Variants in KIF21A observed in about 807,000 individuals in gnomAD.
The protein encoded by KIF21A is kinesin-like protein KIF21A.
KIF21A carries 114 observed loss-of-function variants against 202.9 expected under a neutral mutation model. The observed-to-expected ratio is 0.56, with a 90% CI of 0.48 to 0.66. The LOEUF is 0.66. KIF21A is among the 30% of genes least tolerant of loss of function. The pLI is 0.00. For missense variants in KIF21A, 1,677 were observed against 1,994.9 expected (o/e 0.84, Z 3.04); for synonymous variants, 667 against 670.8 (o/e 0.99, Z 0.09).
intron 1 of KIF21A, among the ~76,000 whole-genome samples, chr12:39,371,748 G>A (rs923891962): frequency 1.3e-5 from 2 of 151,926 alleles, no homozygotes; most frequent in African/African-American, 2.4e-5. Flanking sequence ...TGGCCAACAT[G>A]GTGAAACCTG....
intron 12 of KIF21A, among the ~76,000 whole-genome samples, chr12:39,345,993 T>C (rs916913295): frequency 6.6e-6 from 1 of 151,390 alleles, no homozygotes; most frequent in Non-Finnish European, 1.5e-5. Flanking sequence ...ATTTTAATGA[T>C]TTTTTTTTCC....
intron 1 of KIF21A, among the ~76,000 whole-genome samples, chr12:39,436,444 A>AT (rs1938741025): frequency 8.8e-6 from 1 of 113,568 alleles, no homozygotes; most frequent in Admixed American, 8.4e-5. Flanking sequence ...ATATATATAT[A>AT]TATATTTTTT....
At chr12:39,351,427 A>G (rs1948370974) in intron 11 of KIF21A, among the ~76,000 whole-genome samples, 1 of 152,134 alleles carries the variant, frequency 6.6e-6, no homozygotes. Flanking sequence ...GAAATGGGGA[A>G]AAAATGAAAA....
chr12:39,300,239 C>G (rs1390373563), intron 37 of KIF21A, among the ~76,000 whole-genome samples: 1 of 152,074 alleles, frequency 6.6e-6, no homozygotes, highest in Non-Finnish European at 1.5e-5. Flanking sequence ...ATTGGGTGTC[C>G]CACAGCCAAT....
chr12:39,398,107 T>C (rs769210766), intron 1 of KIF21A, among the ~76,000 whole-genome samples: 7 of 152,238 alleles, frequency 4.6e-5, no homozygotes, highest in Non-Finnish European at 1.0e-4. Context: ...GACACATTCT[T>C]ATTATCTATG....
chr12:39,397,284 C>T (rs995145481), intron 1 of KIF21A, among the ~76,000 whole-genome samples: 7 of 152,098 alleles, frequency 4.6e-5, no homozygotes. Flanking sequence ...TGAAGAACCA[C>T]AATTGATGGG....
chr12:39,366,484 A>T lies in KIF21A; in HGVS notation c.769T>A (p.Ser257Thr). The change falls in exon 6 of 38, where the codon TCA becomes ACA. Residue 257 changes from serine to threonine, a missense_variant. By Grantham distance (58) the Ser-to-Thr change is moderately conservative. Transcript: ENST00000361418. Reference sequence around the variant, plus strand: ...GTTTCAAATTCATTCATCTGTGCTGATTCAGAAATAATTTTATTATCAGTT... The same window carrying T: ...GTTTCAAATTCATTCATCTGTGCTGTTTCAGAAATAATTTTATTATCAGTT... ...NATDNKIISESAQMNEFETLT... is the reference protein window; with the variant it reads ...NATDNKIISETAQMNEFETLT... 6.2e-7 allele frequency: 1 copy of T among 1,612,094 alleles called. No homozygotes were observed.
intron 33 of KIF21A, among the ~76,000 whole-genome samples, chr12:39,308,022 G>T (rs529122842): frequency 1.2e-3 from 177 of 152,122 alleles, no homozygotes; most frequent in South Asian, 5.2e-3. Flanking sequence ...GTTAGGAAGG[G>T]CTAAAACATC....
intron 31 of KIF21A, among the ~76,000 whole-genome samples, chr12:39,313,282 T>G (rs1047421783): frequency 6.6e-6 from 1 of 151,866 alleles, no homozygotes; most frequent in Non-Finnish European, 1.5e-5. Flanking sequence ...ATTCAGAAAC[T>G]CAACTTCTCG....
chr12:39,362,979 T>A, intron 7 of KIF21A, 119 bp downstream of exon 7: 1 of 694,976 alleles, frequency 1.4e-6, no homozygotes, highest in Non-Finnish European at 2.6e-6. Context: ...AGTATAAGGA[T>A]TAGTTCCTCA....
chr12:39,414,890 G>C (rs1202595263), intron 1 of KIF21A, among the ~76,000 whole-genome samples: 1 of 150,358 alleles, frequency 6.7e-6, no homozygotes, highest in African/African-American at 2.5e-5. Flanking sequence ...AAGGTTCTGT[G>C]CTAAACATTC....
At chr12:39,315,189 C>T in intron 31 of KIF21A, 40 bp downstream of exon 31, 2 of 1,595,020 alleles carry the variant, frequency 1.3e-6, no homozygotes, top group East Asian at 2.2e-5. Context: ...TCTTTTGATA[C>T]TGGAAATGAA....
chr12:39,419,957 G>A (rs1341410553), intron 1 of KIF21A, among the ~76,000 whole-genome samples: 2 of 151,862 alleles, frequency 1.3e-5, no homozygotes, highest in African/African-American at 2.4e-5. Context: ...GTGTCCACCC[G>A]GAGAGGAGAG....
intron 31 of KIF21A, among the ~76,000 whole-genome samples, chr12:39,313,570 G>C (rs1409046477): frequency 6.6e-6 from 1 of 151,746 alleles, no homozygotes; most frequent in African/African-American, 2.4e-5. Context: ...CATACCTAAC[G>C]AGTCAAGGTC....
intron 1 of KIF21A, among the ~76,000 whole-genome samples, chr12:39,416,726 C>CAT (rs1386048930): frequency 1.4e-5 from 1 of 71,270 alleles, no homozygotes; most frequent in African/African-American, 6.6e-5. Flanking sequence ...TATATATGTA[C>CAT]ATATATATGT....
Position 39,370,318 on chromosome 12 carries a change from C to A in KIF21A, c.45-57G>T, listed in dbSNP as rs992654867. 1.5e-5 allele frequency: 20 copies of A among 1,330,630 alleles called. No homozygotes were observed. In the African/African-American group the frequency reaches 3.0e-4, roughly 20 times the overall value. 82.4% of individuals were successfully genotyped at this position (1,330,630 alleles called of 1,614,324 possible). A position where few individuals can be genotyped will look rare whatever the true frequency, so the allele number is the denominator to read the frequency against. ...AAATAAATGGCAAAAAAAAACCTCT[C>A]AAAAAATAGGACTTAAAAACTCTTG... On this transcript the variant is annotated intron_variant, in intron 1 of 37. Coordinates refer to ENST00000361418, the MANE Select transcript of KIF21A (RefSeq NM_001173464.2).
At chr12:39,408,816 G>T (rs1428379826) in intron 1 of KIF21A, among the ~76,000 whole-genome samples, 4 of 147,786 alleles carry the variant, frequency 2.7e-5, no homozygotes, top group South Asian at 4.3e-4. Context: ...GCTTTTGTTG[G>T]TTTTTTTTTG....
At chr12:39,376,254 A>G (rs530333982) in intron 1 of KIF21A, among the ~76,000 whole-genome samples, 1 of 152,274 alleles carries the variant, frequency 6.6e-6, no homozygotes, top group Admixed American at 6.6e-5. Flanking sequence ...ATAAAGCTGG[A>G]TATCTTTACA....
intron 1 of KIF21A, among the ~76,000 whole-genome samples, chr12:39,397,664 C>T (rs117214211): frequency 7.0e-4 from 106 of 152,292 alleles, no homozygotes; most frequent in Non-Finnish European, 1.3e-3. Context: ...ATTCAGGTTC[C>T]TGAGCCTCAC....
Sources: gnomAD v4.1 joint callset for allele counts (sites outside exome capture counted in the v4.1 genomes callset) on GRCh38, gnomAD v4.1.1 for gene constraint, MANE v1.5 for transcripts, NCBI Gene and HGNC (gene_info 2026-07-23, HGNC 2026-07-21) for gene names.